Variants in KCNMA1 observed in about 807,000 individuals in gnomAD.
The protein encoded by KCNMA1 is potassium calcium-activated channel subfamily M alpha 1.
In KCNMA1, 29 loss-of-function variants were observed where a neutral mutation model predicts 140.0. That is an observed-to-expected ratio of 0.21 (90% CI 0.15 to 0.28). The LOEUF is 0.28. KCNMA1 is among the 10% of genes least tolerant of loss of function. The pLI is 1.00. For missense variants in KCNMA1, 880 were observed against 1,602.2 expected, an observed-to-expected ratio of 0.55 and a Z score of 7.70; for synonymous variants, 612 against 611.9, an observed-to-expected ratio of 1.00 and a Z score of 0.00.
chr10:76,912,005 G>T (rs1435526049), intron 24 of KCNMA1: 8 of 152,260 alleles, frequency 5.3e-5, no homozygotes, highest in African/African-American at 1.9e-4. Flanking sequence ...CCAAGTAGGG[G>T]GAGGGGACTC....
Position 77,389,294 on chromosome 10 carries a change from GCCAC to G in KCNMA1, c.540+14564_540+14567del, listed in dbSNP as rs757118235. ...GCTCCAGAAATAAAAAATGACTTTG[GCCAC>G]AGTAATGTTTCCTCGATCCTCAGCC... On this transcript the variant is annotated intron_variant, in intron 2 of 27. Coordinates refer to ENST00000286628, the MANE Select transcript of KCNMA1 (RefSeq NM_001161352.2). 1.5e-3 allele frequency among the ~76,000 whole-genome samples: 226 copies of G among 152,226 alleles called. No homozygotes were observed. The Middle Eastern group carries it at 0.02, about 14-fold the overall frequency.
intron 19 of KCNMA1, among the ~76,000 whole-genome samples, chr10:76,999,765 G>A (rs950146608): frequency 6.6e-6 from 1 of 152,174 alleles, no homozygotes; most frequent in African/African-American, 2.4e-5. Context: ...CCTCCATTAG[G>A]TATTACTTTG....
chr10:77,073,946 C>T (rs1388137607), intron 13 of KCNMA1, among the ~76,000 whole-genome samples: 2 of 152,094 alleles, frequency 1.3e-5, no homozygotes, highest in Non-Finnish European at 2.9e-5. Flanking sequence ...GAGACAAGAA[C>T]CCAGAGGCAT....
downstream of KCNMA1, chr10:76,877,520 T>C: frequency 2.6e-6 from 1 of 385,798 alleles, no homozygotes; most frequent in South Asian, 2.6e-5. Flanking sequence ...TACATGACTA[T>C]TTTAGTATGT....
intron 2 of KCNMA1, among the ~76,000 whole-genome samples, chr10:77,388,301 C>T (rs1384296662): frequency 2.0e-5 from 3 of 152,204 alleles, no homozygotes; most frequent in African/African-American, 7.2e-5. Context: ...AGCCTCTTTA[C>T]TTTACGTTCC....
intron 14 of KCNMA1, among the ~76,000 whole-genome samples, chr10:77,050,072 C>T (rs953361704): frequency 3.3e-5 from 5 of 152,012 alleles, no homozygotes; most frequent in Non-Finnish European, 5.9e-5. Context: ...GAGGAAGCCC[C>T]GTCCCTCCCC....
At chr10:77,043,993 T>C (rs11001986) in intron 14 of KCNMA1, among the ~76,000 whole-genome samples, 12,751 of 152,292 alleles carry the variant, frequency 0.084, 660 homozygotes, top group Non-Finnish European at 0.12. Flanking sequence ...AAATTTTGTA[T>C]GTGTATTTTA....
At chr10:77,528,562 T>C (rs2056605595) in intron 1 of KCNMA1, among the ~76,000 whole-genome samples, 1 of 151,264 alleles carries the variant, frequency 6.6e-6, no homozygotes, top group Non-Finnish European at 1.5e-5. Context: ...TGAGCTGAGA[T>C]TGTGTCACTG....
At chr10:77,334,396 G>A (rs985799939) in intron 2 of KCNMA1, among the ~76,000 whole-genome samples, 52 of 152,096 alleles carry the variant, frequency 3.4e-4, no homozygotes, top group African/African-American at 1.2e-3. Context: ...TGTATTTGAG[G>A]GCGCTTGGTC....
chr10:77,047,890 G>T (rs548888043), intron 14 of KCNMA1, among the ~76,000 whole-genome samples: 3 of 152,220 alleles, frequency 2.0e-5, no homozygotes, highest in Admixed American at 2.0e-4. Flanking sequence ...GTTCAGCTTC[G>T]TATGCAGGGT....
At chr10:77,102,197 T>C (rs1293673874) in intron 9 of KCNMA1, among the ~76,000 whole-genome samples, 1 of 152,208 alleles carries the variant, frequency 6.6e-6, no homozygotes, top group Non-Finnish European at 1.5e-5. Flanking sequence ...GGGTAGGCTA[T>C]GGGGCCATAG....
chr10:77,134,811 A>G (rs1272846720), intron 5 of KCNMA1, among the ~76,000 whole-genome samples: 1 of 151,824 alleles, frequency 6.6e-6, no homozygotes, highest in African/African-American at 2.4e-5. Flanking sequence ...ATCCTGGCTA[A>G]TACGGTGAAA....
At chr10:76,934,933 G>A (rs989500060) in intron 23 of KCNMA1, among the ~76,000 whole-genome samples, 13 of 152,110 alleles carry the variant, frequency 8.5e-5, no homozygotes, top group South Asian at 4.1e-4. Context: ...TTATTTAAGT[G>A]TCTTCACAAA....
At chr10:77,205,220 C>T (rs2043695969) in intron 3 of KCNMA1, among the ~76,000 whole-genome samples, 1 of 152,214 alleles carries the variant, frequency 6.6e-6, no homozygotes, top group South Asian at 2.1e-4. Flanking sequence ...GTTCTTCTCT[C>T]TTTGCTTCAA....
chr10:77,164,238 C>T (rs544972074), intron 5 of KCNMA1, among the ~76,000 whole-genome samples: 27 of 152,296 alleles, frequency 1.8e-4, no homozygotes, highest in Non-Finnish European at 3.5e-4. Flanking sequence ...ATCCATTCCA[C>T]GGATCACTGC....
At chr10:76,883,230 T>A (rs535989917), downstream of KCNMA1, among the ~76,000 whole-genome samples, 1 of 152,278 alleles carries the variant, frequency 6.6e-6, no homozygotes, top group South Asian at 2.1e-4. Context: ...GTAGAGGCAC[T>A]CATATTTTTT....
At chr10:76,884,769 G>C, downstream of KCNMA1, 1 of 569,370 alleles carries the variant, frequency 1.8e-6, no homozygotes. Flanking sequence ...AGGAAGAGAA[G>C]AAGGAAGGGA....
At chr10:77,223,291 GAC>G in intron 3 of KCNMA1, among the ~76,000 whole-genome samples, 1 of 151,918 alleles carries the variant, frequency 6.6e-6, no homozygotes, top group Non-Finnish European at 1.5e-5. Context: ...TTTTTGCTCA[GAC>G]CATGTTGTGA....
intron 26 of KCNMA1, chr10:76,889,864 A>T: frequency 2.3e-6 from 1 of 441,064 alleles, no homozygotes; most frequent in Non-Finnish European, 4.2e-6. Context: ...CCCTCACTTT[A>T]AGTCAAAGTG....
Sources: gnomAD v4.1 joint callset for allele counts (sites outside exome capture counted in the v4.1 genomes callset) on GRCh38, gnomAD v4.1.1 for gene constraint, MANE v1.5 for transcripts, NCBI Gene and HGNC (gene_info 2026-07-23, HGNC 2026-07-21) for gene names.